Variants in ASCC3 observed in about 807,000 individuals in gnomAD.
ASCC3 encodes the protein activating signal cointegrator 1 complex subunit 3.
A neutral mutation model predicts 256.3 loss-of-function variants in ASCC3; 158 were observed. The observed-to-expected ratio is 0.62, with a 90% CI of 0.54 to 0.70. The LOEUF (loss-of-function observed/expected upper bound fraction) is 0.70, where lower values mean the gene tolerates loss of function less well. Ranked by LOEUF, ASCC3 falls within the 30% of genes least tolerant of loss-of-function variation. The pLI is 0.00. For synonymous variants in ASCC3, 948 were observed against 883.4 expected (o/e 1.07, Z -1.30); for missense variants, 2,259 against 2,626.0 (o/e 0.86, Z 3.05).
intron 10 of ASCC3, among the ~76,000 whole-genome samples, chr6:100,766,259 A>G (rs557832313): frequency 6.6e-6 from 1 of 152,322 alleles, no homozygotes; most frequent in African/African-American, 2.4e-5. Flanking sequence ...TCTTAAAATT[A>G]AACTCTGGTA....
At chr6:100,677,169 C>T (rs1157051723) in intron 14 of ASCC3, among the ~76,000 whole-genome samples, 1 of 152,080 alleles carries the variant, frequency 6.6e-6, no homozygotes. Flanking sequence ...GAATGTACTA[C>T]TAGCACTAGA....
intron 36 of ASCC3, among the ~76,000 whole-genome samples, chr6:100,545,195 T>G (rs964204138): frequency 2.0e-5 from 3 of 151,972 alleles, no homozygotes; most frequent in Non-Finnish European, 4.4e-5. Context: ...TGCTTTTTTT[T>G]GAGACGGAGT....
chr6:100,705,820 AT>A (rs1778554302), intron 13 of ASCC3, among the ~76,000 whole-genome samples: 1 of 152,018 alleles, frequency 6.6e-6, no homozygotes, highest in Non-Finnish European at 1.5e-5. Flanking sequence ...CCCACAAGAA[AT>A]AACTTGATTT....
chr6:100,609,898 A>C (rs1457199192), intron 30 of ASCC3, among the ~76,000 whole-genome samples: 2 of 152,186 alleles, frequency 1.3e-5, no homozygotes, highest in Non-Finnish European at 2.9e-5. Context: ...CAACAGAGCT[A>C]GATTCTGTCT....
chr6:100,748,647 C>T (rs1244494287), intron 10 of ASCC3, among the ~76,000 whole-genome samples: 1 of 151,834 alleles, frequency 6.6e-6, no homozygotes, highest in Admixed American at 6.6e-5. Flanking sequence ...AATGTATTCG[C>T]CTGCTCAATA....
At chr6:100,694,724 G>A (rs537374249) in intron 13 of ASCC3, among the ~76,000 whole-genome samples, 112 of 152,094 alleles carry the variant, frequency 7.4e-4, no homozygotes, top group Non-Finnish European at 1.4e-3. Context: ...ATTGTATAGT[G>A]ATAGATTGTA....
intron 3 of ASCC3, among the ~76,000 whole-genome samples, chr6:100,850,020 A>G (rs1279945984): frequency 6.7e-6 from 1 of 149,166 alleles, no homozygotes; most frequent in Admixed American, 6.8e-5. Context: ...GGACCGCTTG[A>G]ACCTAGGAGG....
chr6:100,573,399 A>C (rs1562128757), intron 36 of ASCC3, among the ~76,000 whole-genome samples: 1 of 152,184 alleles, frequency 6.6e-6, no homozygotes, highest in Non-Finnish European at 1.5e-5. Flanking sequence ...TGGACCAAAG[A>C]GACCCTAACA....
At chr6:100,730,114 G>A (rs1275351218) in intron 10 of ASCC3, among the ~76,000 whole-genome samples, 1 of 151,630 alleles carries the variant, frequency 6.6e-6, no homozygotes, top group East Asian at 1.9e-4. Context: ...ACACCAGCCT[G>A]TGCAGTACGG....
In ASCC3 at chr6:100,589,985, A is replaced by G. The variant is rs547633655; in HGVS notation, c.5378T>C (p.Ile1793Thr). 208 of 1,613,558 alleles carry G rather than the reference A, an allele frequency of 1.3e-4. No homozygotes were observed. In the South Asian group the frequency reaches 2.1e-3, roughly 16 times the overall value. ...FLSHLIEKSL[I>T]ELELSYCIEI... Reference sequence around the variant, plus strand: ...AATACAGTAGGAAAGTTCCAATTCAATCAGGGACTTCTCAATCAGATGGGA... The same window carrying G: ...AATACAGTAGGAAAGTTCCAATTCAGTCAGGGACTTCTCAATCAGATGGGA... Residue 1793 changes from isoleucine to threonine, a missense_variant, in exon 35 of 42, where the codon ATT (isoleucine) becomes ACT (threonine). Ile to Thr is a moderately conservative substitution (Grantham distance 89). Coordinates refer to ENST00000369162, the MANE Select transcript of ASCC3 (RefSeq NM_006828.4).
intron 12 of ASCC3, among the ~76,000 whole-genome samples, chr6:100,716,811 G>A (rs924432895): frequency 2.6e-5 from 4 of 151,874 alleles, no homozygotes; most frequent in African/African-American, 9.7e-5. Context: ...TGATGCAACT[G>A]AAAGAAAATA....
At chr6:100,586,704 C>A (rs1771708637) in intron 36 of ASCC3, among the ~76,000 whole-genome samples, 1 of 152,178 alleles carries the variant, frequency 6.6e-6, no homozygotes, top group African/African-American at 2.4e-5. Flanking sequence ...TAGACCTGAG[C>A]TGTTCCTATT....
intron 11 of ASCC3, among the ~76,000 whole-genome samples, chr6:100,720,084 G>A (rs1253087193): frequency 6.6e-6 from 1 of 151,808 alleles, no homozygotes; most frequent in Non-Finnish European, 1.5e-5. Context: ...GCCATCTACT[G>A]GGAACATTTG....
intron 8 of ASCC3, among the ~76,000 whole-genome samples, chr6:100,795,056 A>G (rs1769540087): frequency 6.6e-6 from 1 of 152,120 alleles, no homozygotes. Context: ...TATACAAGTG[A>G]GTAGCCATGT....
chr6:100,545,514 T>C (rs1262723758), intron 36 of ASCC3, among the ~76,000 whole-genome samples: 1 of 152,168 alleles, frequency 6.6e-6, no homozygotes, highest in African/African-American at 2.4e-5. Context: ...TAACATTTAA[T>C]AGTGACAGAC....
intron 8 of ASCC3, among the ~76,000 whole-genome samples, chr6:100,781,830 C>T (rs1210813680): frequency 6.6e-6 from 1 of 151,928 alleles, no homozygotes; most frequent in African/African-American, 2.4e-5. Flanking sequence ...ATTAAGAATA[C>T]AAATTATGTA....
rs1229402652 is a variant in ASCC3, at chr6:100,800,311, C to G, written c.1116G>C (p.Leu372Phe). ...CTGGCTTTTATTACCTTTGTATCCG[C>G]AATTCCTTAGGATCAAAGCACATAA... ...EGLMCFDPKE[L>F]RIQREQALLN... is the part of the protein sequence containing the mutation. The change falls in exon 6 of 42, where the codon TTG (leucine) becomes TTC (phenylalanine). Residue 372 changes from leucine (L) to phenylalanine (F), a missense_variant. Coordinates refer to ENST00000369162, the MANE Select transcript of ASCC3 (RefSeq NM_006828.4). 2 of 1,612,614 alleles carry G rather than the reference C, an allele frequency of 1.2e-6. No homozygotes were observed. Among genetic ancestry groups the G allele is most frequent in the South Asian group, 2.2e-5 (2 of 91,054 alleles).
At chr6:100,540,488 C>A in intron 36 of ASCC3, 101 bp from the exon 37 acceptor site, 3 of 985,288 alleles carry the variant, frequency 3.0e-6, no homozygotes, top group Non-Finnish European at 3.1e-6. Flanking sequence ...AAAAATCATA[C>A]AATAACCATA....
intron 13 of ASCC3, among the ~76,000 whole-genome samples, chr6:100,709,271 T>A (rs1186457742): frequency 6.6e-6 from 1 of 152,172 alleles, no homozygotes; most frequent in African/African-American, 2.4e-5. Context: ...GGTAGAAAGA[T>A]AATCACTACA....
Sources: gnomAD v4.1 joint callset for allele counts (sites outside exome capture counted in the v4.1 genomes callset) on GRCh38, gnomAD v4.1.1 for gene constraint, MANE v1.5 for transcripts, NCBI Gene and HGNC (gene_info 2026-07-23, HGNC 2026-07-21) for gene names.